RFC3: variants seen among roughly 807,000 people sequenced by gnomAD.
RFC3 encodes replication factor C subunit 3.
RFC3 carries 41 observed loss-of-function variants against 45.1 expected under a neutral mutation model. That is an observed-to-expected ratio of 0.91 (90% CI 0.71 to 1.18). RFC3 has a LOEUF of 1.18. Ranked by LOEUF, RFC3 falls within the 50% of genes most tolerant of loss-of-function variation. The pLI is 0.00. For synonymous variants in RFC3, 149 were observed against 144.0 expected (o/e 1.03, Z -0.25); for missense variants, 423 against 428.1 (o/e 0.99, Z 0.10).
At chr13:33,964,391 A>G (rs2083075370) in intron 8 of RFC3, among the ~76,000 whole-genome samples, 1 of 152,218 alleles carries the variant, frequency 6.6e-6, no homozygotes, top group Admixed American at 6.5e-5. Flanking sequence ...GATTCCATTC[A>G]GAAGTAGTGC....
At chr13:33,853,312 A>C (rs1036161358) in intron 8 of RFC3, among the ~76,000 whole-genome samples, 1 of 152,170 alleles carries the variant, frequency 6.6e-6, no homozygotes, top group African/African-American at 2.4e-5. Flanking sequence ...ATTTCACCAT[A>C]GATGTGCATT....
At chr13:33,971,349 A>C (rs866272791), downstream of RFC3, among the ~76,000 whole-genome samples, 13 of 152,382 alleles carry the variant, frequency 8.5e-5, no homozygotes, top group Middle Eastern at 6.8e-3. Context: ...TTTACAAATT[A>C]ATAGGAATAA....
chr13:33,911,719 A>G (rs925839499), intron 8 of RFC3, among the ~76,000 whole-genome samples: 4 of 152,082 alleles, frequency 2.6e-5, no homozygotes, highest in African/African-American at 4.8e-5. Flanking sequence ...GAACTAATGC[A>G]TTCCTTTGAG....
rs922138492 is a variant in RFC3 at position 33,934,921 on chromosome 13, C to T, written c.880-31166C>T. 3.2e-4 allele frequency among the ~76,000 whole-genome samples: 48 copies of T among 152,090 alleles called. 1 individual carries two copies. The highest frequency in any genetic ancestry group is 2.8e-3 in the Admixed American group (43 of 15,250). ...GATGGGAACCATCAGCCTGGATGGC[C>T]GAATCCCCCCATTCCTGATGGTCTG... On this transcript the variant is annotated intron_variant, in intron 8 of 8. Transcript: ENST00000434425.
intron 8 of RFC3, among the ~76,000 whole-genome samples, chr13:33,895,007 A>G (rs539450578): frequency 6.6e-6 from 1 of 152,322 alleles, no homozygotes; most frequent in South Asian, 2.1e-4. Flanking sequence ...TCAACTCATG[A>G]TGGATCAAGG....
intron 8 of RFC3, among the ~76,000 whole-genome samples, chr13:33,916,814 ATG>A (rs2082736651): frequency 6.6e-6 from 1 of 150,936 alleles, no homozygotes; most frequent in Non-Finnish European, 1.5e-5. Context: ...GTGTGTATAT[ATG>A]TGTGTATGCA....
chr13:33,961,945 A>C (rs745684608), intron 8 of RFC3, among the ~76,000 whole-genome samples: 18 of 152,222 alleles, frequency 1.2e-4, no homozygotes, highest in Non-Finnish European at 2.1e-4. Flanking sequence ...AATTTTAGCA[A>C]AAGAGAAGGA....
At chr13:33,920,420 C>CTATT (rs1555241368) in intron 8 of RFC3, among the ~76,000 whole-genome samples, 1 of 83,164 alleles carries the variant, frequency 1.2e-5, no homozygotes, top group African/African-American at 5.1e-5. Context: ...TACAACCACA[C>CTATT]TTTTTTTTTT....
chr13:33,879,477 C>T (rs113403126), intron 8 of RFC3, among the ~76,000 whole-genome samples: 11 of 152,146 alleles, frequency 7.2e-5, no homozygotes, highest in East Asian at 3.9e-4. Context: ...TTCACTCCCA[C>T]GAAGTTTTAC....
intron 8 of RFC3, among the ~76,000 whole-genome samples, chr13:33,876,215 A>G (rs571284075): frequency 1.3e-5 from 2 of 152,274 alleles, no homozygotes; most frequent in East Asian, 3.9e-4. Context: ...AGCATATTCA[A>G]ACAGTTTAAA....
At chr13:33,942,107 A>G (rs1348474797) in intron 8 of RFC3, among the ~76,000 whole-genome samples, 1 of 151,844 alleles carries the variant, frequency 6.6e-6, no homozygotes, top group Admixed American at 6.6e-5. Flanking sequence ...TTTTTTGTAC[A>G]TTAATTATAG....
intron 8 of RFC3, among the ~76,000 whole-genome samples, chr13:33,932,356 C>G (rs2082857945): frequency 6.6e-6 from 1 of 152,100 alleles, no homozygotes; most frequent in Admixed American, 6.6e-5. Flanking sequence ...GAAGAAAACT[C>G]TTTGTGACTT....
At chr13:33,834,300 ATATATATATATATATATATATATATATAT>A (rs2082131069) in intron 7 of RFC3, among the ~76,000 whole-genome samples, 1 of 3,242 alleles carries the variant, frequency 3.1e-4, no homozygotes, top group Non-Finnish European at 4.2e-3. Context: ...TACTGTGTGT[ATATATATATATATATATATATATATATAT>A]ATCTGTACTG....
At chr13:33,913,099 T>G (rs2082712763) in intron 8 of RFC3, among the ~76,000 whole-genome samples, 1 of 152,096 alleles carries the variant, frequency 6.6e-6, no homozygotes, top group Non-Finnish European at 1.5e-5. Context: ...GAAATGTTTG[T>G]GGGTCACCCA....
intron 8 of RFC3, among the ~76,000 whole-genome samples, chr13:33,899,354 C>T (rs1269820361): frequency 2.0e-5 from 3 of 151,592 alleles, no homozygotes; most frequent in Admixed American, 2.0e-4. Context: ...TGGGATTCAT[C>T]CCAGGAATGC....
intron 8 of RFC3, among the ~76,000 whole-genome samples, chr13:33,871,489 A>G (rs559166286): frequency 3.3e-5 from 5 of 152,198 alleles, no homozygotes; most frequent in South Asian, 2.1e-4. Flanking sequence ...CCCTCTTCCA[A>G]CTACCCTTGT....
intron 8 of RFC3, among the ~76,000 whole-genome samples, chr13:33,868,167 G>A (rs60948414): frequency 0.03 from 4,498 of 152,258 alleles, 129 homozygotes; most frequent in African/African-American, 0.068. Context: ...TATCAGGTAC[G>A]AAGATAACTG....
intron 8 of RFC3, among the ~76,000 whole-genome samples, chr13:33,877,110 C>T (rs1182187779): frequency 6.6e-6 from 1 of 152,160 alleles, no homozygotes; most frequent in Non-Finnish European, 1.5e-5. Flanking sequence ...CAATTGGATT[C>T]ATAGGAACTT....
At chr13:33,939,957 C>T (rs1422181594) in intron 8 of RFC3, among the ~76,000 whole-genome samples, 2 of 152,080 alleles carry the variant, frequency 1.3e-5, no homozygotes, top group African/African-American at 2.4e-5. Flanking sequence ...TATGTTCACT[C>T]TATTTTTTTC....
Sources: allele counts gnomAD v4.1 joint callset (sites outside exome capture counted in the v4.1 genomes callset), GRCh38; gene constraint gnomAD v4.1.1; transcripts MANE v1.5; gene names NCBI Gene and HGNC (gene_info 2026-07-23, HGNC 2026-07-21).